NRG3: variants seen among roughly 807,000 people sequenced by gnomAD.
NRG3 encodes pro-neuregulin-3, membrane-bound isoform.
NRG3 carries 31 observed loss-of-function variants against 66.9 expected under a neutral mutation model. The observed-to-expected ratio is 0.46, with a 90% confidence interval of 0.35 to 0.63. NRG3 has a LOEUF of 0.63. NRG3 is among the 20% of genes least tolerant of loss of function. The probability of loss-of-function intolerance (pLI) is 0.00; values close to 1 mark genes in which losing one functional copy is unlikely to be tolerated. For missense variants in NRG3, 910 were observed against 878.9 expected (o/e 1.04, Z -0.45); for synonymous variants, 393 against 359.4 (o/e 1.09, Z -1.06).
At chr10:82,206,011 C>A (rs890906801) in intron 1 of NRG3, among the ~76,000 whole-genome samples, 21 of 152,122 alleles carry the variant, frequency 1.4e-4, no homozygotes, top group African/African-American at 5.1e-4. Context: ...AGCTGCCATC[C>A]ACCATATAGG....
intron 2 of NRG3, among the ~76,000 whole-genome samples, chr10:82,526,263 C>A (rs1446004973): frequency 6.6e-6 from 1 of 150,954 alleles, no homozygotes; most frequent in African/African-American, 2.4e-5. Flanking sequence ...CTTAAATATA[C>A]ACAATAAAAT....
At chr10:82,359,089 C>T (rs111753394) in intron 2 of NRG3, among the ~76,000 whole-genome samples, 208 of 152,314 alleles carry the variant, frequency 1.4e-3, no homozygotes, top group Non-Finnish European at 2.3e-3. Flanking sequence ...TAAGTTTTAC[C>T]TGACCAAGCA....
chr10:82,269,393 CT>C (rs1309530115), intron 1 of NRG3, among the ~76,000 whole-genome samples: 2 of 152,070 alleles, frequency 1.3e-5, no homozygotes, highest in Admixed American at 1.3e-4. Context: ...CTGGAAAAGT[CT>C]TTGGAGAGTT....
chr10:82,887,657 T>C (rs1474972262), intron 4 of NRG3, among the ~76,000 whole-genome samples: 1 of 151,930 alleles, frequency 6.6e-6, no homozygotes, highest in Non-Finnish European at 1.5e-5. Context: ...TAAAGGAAGG[T>C]AAAGGGACTA....
intron 2 of NRG3, among the ~76,000 whole-genome samples, chr10:82,413,870 G>A (rs1314000311): frequency 1.3e-5 from 2 of 151,992 alleles, no homozygotes; most frequent in East Asian, 1.9e-4. Flanking sequence ...CACCTCTCTC[G>A]GCCTTCATAG....
chr10:82,863,093 G>A (rs1034691552), intron 3 of NRG3, among the ~76,000 whole-genome samples: 2 of 152,126 alleles, frequency 1.3e-5, no homozygotes, highest in Non-Finnish European at 2.9e-5. Context: ...TCCCACTTAT[G>A]AGTGAGAACA....
intron 1 of NRG3, among the ~76,000 whole-genome samples, chr10:81,899,902 G>A (rs1197094178): frequency 6.6e-6 from 1 of 152,108 alleles, no homozygotes; most frequent in African/African-American, 2.4e-5. Flanking sequence ...AAATAGAAAG[G>A]TTGGTGGGAG....
chr10:82,697,619 A>C (rs1434685755), intron 2 of NRG3, among the ~76,000 whole-genome samples: 1 of 152,202 alleles, frequency 6.6e-6, no homozygotes, highest in African/African-American at 2.4e-5. Flanking sequence ...TATTACCAAC[A>C]AACTAAAGGA....
chr10:82,672,124 G>T (rs1489341016), intron 2 of NRG3, among the ~76,000 whole-genome samples: 1 of 152,186 alleles, frequency 6.6e-6, no homozygotes, highest in Non-Finnish European at 1.5e-5. Context: ...AAATCATGAA[G>T]ATGATTTTCC....
At chr10:81,904,561 G>A (rs557494275) in intron 1 of NRG3, among the ~76,000 whole-genome samples, 1 of 152,054 alleles carries the variant, frequency 6.6e-6, no homozygotes, top group East Asian at 1.9e-4. Flanking sequence ...CACCTTCTAC[G>A]CCTGTTCTTA....
intron 2 of NRG3, among the ~76,000 whole-genome samples, chr10:82,729,452 T>A (rs79707555): frequency 2.0e-5 from 3 of 151,964 alleles, no homozygotes; most frequent in East Asian, 3.9e-4. Flanking sequence ...GATTTTTTTT[T>A]ATACCAGATG....
intron 6 of NRG3, among the ~76,000 whole-genome samples, chr10:82,971,152 T>C (rs1851687352): frequency 6.6e-6 from 1 of 152,150 alleles, no homozygotes. Context: ...CACTCATTAC[T>C]GCAGGGAGGA....
At chr10:82,979,633 G>A (rs1442529877) in intron 8 of NRG3, among the ~76,000 whole-genome samples, 1 of 152,194 alleles carries the variant, frequency 6.6e-6, no homozygotes, top group East Asian at 1.9e-4. Context: ...CAAGTTAGGG[G>A]TAGACGGGTG....
At chr10:82,920,600 T>C (rs1006540414) in intron 4 of NRG3, among the ~76,000 whole-genome samples, 3 of 152,140 alleles carry the variant, frequency 2.0e-5, no homozygotes, top group African/African-American at 7.2e-5. Context: ...TTTCTAAAAC[T>C]ATTTTCCAAT....
At chr10:82,178,295 A>G (rs1043849083) in intron 1 of NRG3, among the ~76,000 whole-genome samples, 3 of 152,206 alleles carry the variant, frequency 2.0e-5, no homozygotes, top group South Asian at 2.1e-4. Context: ...AGTATTAACT[A>G]TAAGCACGAT....
chr10:82,672,897 G>A (rs958820099), intron 2 of NRG3, among the ~76,000 whole-genome samples: 5 of 152,242 alleles, frequency 3.3e-5, no homozygotes, highest in African/African-American at 1.2e-4. Context: ...TTACAGGCAT[G>A]CACCACCACA....
intron 1 of NRG3, among the ~76,000 whole-genome samples, chr10:82,188,878 G>A (rs898615307): frequency 1.3e-5 from 2 of 151,996 alleles, no homozygotes; most frequent in South Asian, 2.1e-4. Flanking sequence ...GCACAATAGG[G>A]TGACTATAGT....
chr10:82,775,928 T>A (rs1337709622), intron 3 of NRG3, among the ~76,000 whole-genome samples: 1 of 152,192 alleles, frequency 6.6e-6, no homozygotes, highest in Non-Finnish European at 1.5e-5. Context: ...GTGACCATTT[T>A]GACTTTTAAC....
chr10:82,212,190 A>G (rs2075430528), intron 1 of NRG3, among the ~76,000 whole-genome samples: 1 of 152,210 alleles, frequency 6.6e-6, no homozygotes, highest in Non-Finnish European at 1.5e-5. Flanking sequence ...GCAATTTCAC[A>G]TGGTTCAAAC....
Sources: allele counts gnomAD v4.1 joint callset (sites outside exome capture counted in the v4.1 genomes callset), GRCh38; gene constraint gnomAD v4.1.1; transcripts MANE v1.5; gene names NCBI Gene and HGNC (gene_info 2026-07-23, HGNC 2026-07-21).